Variants in UNC13C observed in about 807,000 individuals in gnomAD.
UNC13C encodes protein unc-13 homolog C.
UNC13C carries 174 observed loss-of-function variants against 245.4 expected under a neutral mutation model. That is an observed-to-expected ratio of 0.71 (90% confidence interval 0.63 to 0.80). The LOEUF is 0.80. UNC13C is among the 30% of genes least tolerant of loss of function. The pLI is 0.00. For missense variants in UNC13C, 2,829 were observed against 2,602.9 expected, an observed-to-expected ratio of 1.09 and a Z score of -1.89; for synonymous variants, 992 against 895.1, an observed-to-expected ratio of 1.11 and a Z score of -1.93.
intron 4 of UNC13C, among the ~76,000 whole-genome samples, chr15:54,210,789 C>T (rs1367234694): frequency 6.6e-6 from 1 of 152,148 alleles, no homozygotes; most frequent in African/African-American, 2.4e-5. Context: ...AAGCAGACAG[C>T]ATTGGCTTCT....
At chr15:54,151,129 G>A (rs1036351626) in intron 4 of UNC13C, among the ~76,000 whole-genome samples, 2 of 151,982 alleles carry the variant, frequency 1.3e-5, no homozygotes, top group Admixed American at 6.6e-5. Context: ...TATTACCCAC[G>A]GTTGATCAGG....
intron 31 of UNC13C, 74 bp downstream of exon 31, chr15:54,622,493 T>A: frequency 8.8e-7 from 1 of 1,139,152 alleles, no homozygotes; most frequent in Non-Finnish European, 1.3e-6. Context: ...GCAATGTAAC[T>A]TTTCTTGCAT....
chr15:54,113,130 C>G (rs1475348798), intron 2 of UNC13C, among the ~76,000 whole-genome samples: 1 of 151,920 alleles, frequency 6.6e-6, no homozygotes. Context: ...CAACCTACAT[C>G]TTACCCCTTA....
At chr15:54,296,105 A>T (rs1429067104) in intron 11 of UNC13C, among the ~76,000 whole-genome samples, 1 of 152,188 alleles carries the variant, frequency 6.6e-6, no homozygotes, top group Non-Finnish European at 1.5e-5. Context: ...TCAAAGAACC[A>T]ATAAAGCTCC....
chr15:54,310,479 A>C (rs2037839544), intron 13 of UNC13C, among the ~76,000 whole-genome samples: 1 of 151,794 alleles, frequency 6.6e-6, no homozygotes, highest in Non-Finnish European at 1.5e-5. Context: ...TCAAATGCTC[A>C]TGGTGGAGAG....
intron 20 of UNC13C, among the ~76,000 whole-genome samples, chr15:54,495,185 C>T (rs913462335): frequency 5.9e-5 from 9 of 151,914 alleles, no homozygotes; most frequent in African/African-American, 2.2e-4. Context: ...CTCTTTCAAA[C>T]ACATTTTAAT....
intron 11 of UNC13C, among the ~76,000 whole-genome samples, chr15:54,296,633 G>A (rs1360053902): frequency 6.6e-6 from 1 of 152,120 alleles, no homozygotes; most frequent in Non-Finnish European, 1.5e-5. Context: ...GACGATTAAA[G>A]AATAACAGTG....
intron 30 of UNC13C, among the ~76,000 whole-genome samples, chr15:54,569,169 C>A (rs1488294901): frequency 6.8e-6 from 1 of 147,326 alleles, no homozygotes; most frequent in Non-Finnish European, 1.5e-5. Flanking sequence ...AAAACTTTTG[C>A]TTCATCTTTA....
chr15:54,197,493 A>G (rs566303759), intron 4 of UNC13C, among the ~76,000 whole-genome samples: 9 of 152,162 alleles, frequency 5.9e-5, no homozygotes, highest in African/African-American at 1.9e-4. Flanking sequence ...TAATAAGCAC[A>G]TTTAGAAAGA....
intron 18 of UNC13C, 103 bp downstream of exon 18, chr15:54,393,284 A>T: frequency 1.0e-6 from 1 of 987,198 alleles, no homozygotes; most frequent in Non-Finnish European, 1.3e-6. Flanking sequence ...AAACTTTTCC[A>T]TAATTAAGCT....
intron 13 of UNC13C, among the ~76,000 whole-genome samples, chr15:54,312,624 G>T (rs1309876115): frequency 1.3e-5 from 2 of 151,688 alleles, no homozygotes; most frequent in East Asian, 3.9e-4. Flanking sequence ...TATTGTACAG[G>T]CAGTATTAGA....
At chr15:54,467,930 A>T (rs972754093) in intron 19 of UNC13C, among the ~76,000 whole-genome samples, 1 of 151,126 alleles carries the variant, frequency 6.6e-6, no homozygotes, top group East Asian at 1.9e-4. Context: ...GTAGATGTAG[A>T]TATCTATCTC....
At chr15:54,403,706 AAC>A (rs2040234778) in intron 18 of UNC13C, among the ~76,000 whole-genome samples, 1 of 127,264 alleles carries the variant, frequency 7.9e-6, no homozygotes, top group Non-Finnish European at 1.7e-5. Flanking sequence ...ACAGAGTGAG[AAC>A]CTGTCTCAAA....
At chr15:54,066,847 G>GGCA (rs1320521384) in intron 2 of UNC13C, among the ~76,000 whole-genome samples, 4 of 152,152 alleles carry the variant, frequency 2.6e-5, no homozygotes, top group Non-Finnish European at 4.4e-5. Flanking sequence ...TACTCCAGAA[G>GGCA]GCAAAGTCTT....
At chr15:54,264,459 A>G (rs2036504348) in intron 9 of UNC13C, 64 bp downstream of exon 9, 2 of 1,186,162 alleles carry the variant, frequency 1.7e-6, no homozygotes, top group East Asian at 5.1e-5. Flanking sequence ...CCTAGAAATA[A>G]CTGCTAATAA....
intron 2 of UNC13C, among the ~76,000 whole-genome samples, chr15:54,135,920 A>C (rs1309546837): frequency 1.3e-5 from 2 of 152,068 alleles, no homozygotes; most frequent in African/African-American, 4.8e-5. Context: ...ATTCCTTTGA[A>C]TCTGTAGGTC....
chr15:54,590,529 T>C (rs1252921807), intron 30 of UNC13C, among the ~76,000 whole-genome samples: 1 of 152,010 alleles, frequency 6.6e-6, no homozygotes, highest in Non-Finnish European at 1.5e-5. Flanking sequence ...TTCCTAAGGG[T>C]TTGTTTGTTT....
chr15:54,541,237 C>A (rs1896229175), intron 26 of UNC13C, among the ~76,000 whole-genome samples: 1 of 152,024 alleles, frequency 6.6e-6, no homozygotes, highest in Admixed American at 6.6e-5. Context: ...ATATGCCTCT[C>A]ACATGTCACA....
intron 30 of UNC13C, among the ~76,000 whole-genome samples, chr15:54,617,888 C>T (rs942394850): frequency 6.6e-5 from 10 of 151,966 alleles, no homozygotes; most frequent in African/African-American, 2.4e-4. Context: ...GAGTGGTTGA[C>T]CTTCATAAAT....
Sources: gnomAD v4.1 joint callset for allele counts (sites outside exome capture counted in the v4.1 genomes callset) on GRCh38, gnomAD v4.1.1 for gene constraint, MANE v1.5 for transcripts, NCBI Gene and HGNC (gene_info 2026-07-23, HGNC 2026-07-21) for gene names.